Variants in PCDHGA8 observed in about 807,000 individuals in gnomAD.
PCDHGA8 encodes the protein protocadherin gamma-A8.
PCDHGA8 carries 45 observed loss-of-function variants against 59.2 expected under a neutral mutation model. That is an observed-to-expected ratio of 0.76 (90% CI 0.60 to 0.98). The LOEUF (loss-of-function observed/expected upper bound fraction) is 0.98, where lower values mean the gene tolerates loss of function less well. Among genes scored for constraint, PCDHGA8 ranks in the 50% least tolerant of loss-of-function variants. The pLI is 0.00. For missense variants in PCDHGA8, 1,257 were observed against 1,196.2 expected (o/e 1.05, Z -0.75); for synonymous variants, 531 against 519.0 (o/e 1.02, Z -0.32).
chr5:141,508,269 C>T (rs1459186158), intron 3 of PCDHGA8: 1 of 152,186 alleles, frequency 6.6e-6, no homozygotes, highest in East Asian at 1.9e-4. Flanking sequence ...GAGAAAATCC[C>T]GGTCCTTGAC....
intron 1 of PCDHGA8, chr5:141,423,110 G>C: frequency 6.2e-7 from 1 of 1,613,842 alleles, no homozygotes; most frequent in Non-Finnish European, 8.5e-7. Context: ...GGCGAGGTGC[G>C]TACAGCGCGG....
intron 3 of PCDHGA8, among the ~76,000 whole-genome samples, chr5:141,509,518 T>A (rs1441963133): frequency 6.6e-6 from 1 of 152,170 alleles, no homozygotes; most frequent in Non-Finnish European, 1.5e-5. Context: ...GTTGATGATG[T>A]ATTGCACAGG....
At chr5:141,456,119 C>G (rs902179639) in intron 1 of PCDHGA8, among the ~76,000 whole-genome samples, 3 of 151,826 alleles carry the variant, frequency 2.0e-5, no homozygotes, top group Non-Finnish European at 4.4e-5. Flanking sequence ...GGATGGTCTC[C>G]ATCTCCTGAC....
rs377138746 is a variant in PCDHGA8, at chr5:141,432,481, C to A, written c.2424+37244C>A. Reference sequence around the variant, plus strand: ...CCCTCCCCACGGACGGTTCCACTGGCGTGGAGCTGGCTCCCCGCTCCGCAG... The same window carrying A: ...CCCTCCCCACGGACGGTTCCACTGGAGTGGAGCTGGCTCCCCGCTCCGCAG... On this transcript the variant is annotated intron_variant, in intron 1 of 3. Transcript: ENST00000398604. This position sits in a 1 kb window ranked among gnomAD's most constrained non-coding sequence, Gnocchi z 6.0. 6.2e-7 allele frequency: 1 copy of A among 1,614,080 alleles called. No individual in the cohort carries two copies.
chr5:141,423,482 A>G, intron 1 of PCDHGA8: 2 of 1,613,968 alleles, frequency 1.2e-6, no homozygotes, highest in African/African-American at 1.3e-5. Flanking sequence ...GCTTTCCTGC[A>G]AACCTATTCC....
Position 141,393,177 on chromosome 5 carries a change from G to T in PCDHGA8, c.364G>T (p.Glu122Ter), listed in dbSNP as rs1330463387. Reference sequence around the variant, plus strand: ...AGGAAAACTCTTTGGGGTAGAAATAGAAATAATTGATATTAACGATAATAA... The same window carrying T: ...AGGAAAACTCTTTGGGGTAGAAATATAAATAATTGATATTAACGATAATAA... ...DKGKLFGVEI[E>*]IIDINDNNPK... is the part of the protein sequence containing the mutation. Residue 122 changes from glutamate (E) to a stop codon, truncating the protein, a stop_gained, in exon 1 of 4, where the codon GAA (glutamate) becomes TAA (stop). Transcript: ENST00000398604. LOFTEE classifies it high-confidence loss of function. 6.2e-7 allele frequency: 1 copy of T among 1,613,292 alleles called. No individual in the cohort carries two copies. The highest frequency in any genetic ancestry group is 8.5e-7 in the Non-Finnish European group (1 of 1,179,888).
At chr5:141,398,695 A>G (rs753760185) in intron 1 of PCDHGA8, 3 of 1,613,784 alleles carry the variant, frequency 1.9e-6, no homozygotes, top group Non-Finnish European at 2.5e-6. Flanking sequence ...GGATGGTAGT[A>G]AATACCCGGA....
chr5:141,409,766 C>G, intron 1 of PCDHGA8: 1 of 1,612,910 alleles, frequency 6.2e-7, no homozygotes, highest in Non-Finnish European at 8.5e-7. Context: ...CGCCTTTGAT[C>G]ACGAGCAGCT....
chr5:141,405,407 C>CT lies in PCDHGA8; in HGVS notation c.2424+10177dup, dbSNP rs762612492. 13 of 1,582,050 alleles carry CT rather than the reference C, an allele frequency of 8.2e-6. No individual in the cohort carries two copies. In the East Asian group the frequency reaches 1.6e-4, roughly 19 times the overall value. On this transcript the variant is annotated intron_variant, in intron 1 of 3. Transcript: ENST00000398604. Reference sequence around the variant, plus strand: ...TTCATTTTTTTTCTTTCTTTCTTTTCTTTTTTTGTTTTTTGTTTTGTTTTG... The same window carrying CT: ...TTCATTTTTTTTCTTTCTTTCTTTTCTTTTTTTTGTTTTTTGTTTTGTTTTG...
chr5:141,485,745 T>C lies in PCDHGA8; in HGVS notation c.2425-9062T>C. 3 of 1,614,146 alleles carry C rather than the reference T, an allele frequency of 1.9e-6. No individual in the cohort carries two copies. Among genetic ancestry groups the C allele is most frequent in the Non-Finnish European group, 2.5e-6 (3 of 1,179,986 alleles). ...AAGAAGCGCAGCGACGGCAGCCTGGTCCCAGAGCTGCTCCTGGAGAAGCCT... is the reference window on the plus strand; with the variant it reads ...AAGAAGCGCAGCGACGGCAGCCTGGCCCCAGAGCTGCTCCTGGAGAAGCCT... On this transcript the variant is annotated intron_variant, in intron 1 of 3. Transcript: ENST00000398604. This position sits in a 1 kb window ranked among gnomAD's most constrained non-coding sequence, Gnocchi z 5.7.
chr5:141,501,693 G>T (rs1417828433), intron 2 of PCDHGA8, among the ~76,000 whole-genome samples: 1 of 152,028 alleles, frequency 6.6e-6, no homozygotes, highest in Non-Finnish European at 1.5e-5. Context: ...TATCTGCAGG[G>T]TGATTCCGAG....
rs551289441 is a variant in PCDHGA8, at chr5:141,444,102, C to T, written c.2424+48865C>T. ...TGAAAAGTCTGCTAAGGATTGGAAACCAAGAAAAGTGAAGTATCTCAACAG... is the reference window on the plus strand; with the variant it reads ...TGAAAAGTCTGCTAAGGATTGGAAATCAAGAAAAGTGAAGTATCTCAACAG... On this transcript the variant is annotated intron_variant, in intron 1 of 3. Coordinates refer to ENST00000398604, the MANE Select transcript of PCDHGA8 (RefSeq NM_032088.2). Among the ~76,000 whole-genome samples the T allele has an allele frequency of 1.5e-3, 216 of 144,128 alleles. 1 individual carries two copies. Among genetic ancestry groups the T allele is most frequent in the African/African-American group, 5.4e-3 (211 of 38,798 alleles). 94.6% of individuals were successfully genotyped at this position (144,128 alleles called of 152,430 possible).
In PCDHGA8 at chr5:141,490,410, T is replaced by C. The variant is rs2099699827; in HGVS notation, c.2425-4397T>C. ...ATGGTGAAGTGAGCCTTGATATCTC[T>C]CCGGACCTGCCATTTCAGATTAAGC... On this transcript the variant is annotated intron_variant, in intron 1 of 3. Coordinates refer to ENST00000398604, the MANE Select transcript of PCDHGA8 (RefSeq NM_032088.2). The surrounding 1 kb of genome is among the most constrained non-coding windows in gnomAD (Gnocchi z 5.4). 1 of 1,614,172 alleles carries C rather than the reference T, an allele frequency of 6.2e-7. No individual in the cohort carries two copies. Among genetic ancestry groups the C allele is most frequent in the Non-Finnish European group, 8.5e-7 (1 of 1,180,042 alleles).
intron 1 of PCDHGA8, chr5:141,398,338 G>A (rs1261830149): frequency 4.4e-6 from 6 of 1,375,730 alleles, no homozygotes; most frequent in Non-Finnish European, 6.0e-6. Context: ...CGTCAGTTCG[G>A]AGAAGCCTTA....
chr5:141,405,431 T>TGTTTTTGA (rs1428153443), intron 1 of PCDHGA8: 4 of 1,490,528 alleles, frequency 2.7e-6, no homozygotes, highest in Non-Finnish European at 2.7e-6. Flanking sequence ...TGTTTTGTTT[T>TGTTTTTGA]GTTTTTGAGA....
chr5:141,413,051 C>T (rs1316813444), intron 1 of PCDHGA8: 1 of 952,822 alleles, frequency 1.0e-6, no homozygotes, highest in African/African-American at 1.7e-5. Context: ...TGCAGGGAAG[C>T]TCACTCCAGA....
Position 141,394,180 on chromosome 5 carries a change from C to T in PCDHGA8, c.1367C>T (p.Ser456Phe). The T allele has an allele frequency of 1.2e-6, 2 of 1,613,948 alleles. No individual in the cohort carries two copies. Among genetic ancestry groups the T allele is most frequent in the Non-Finnish European group, 1.7e-6 (2 of 1,179,876 alleles). ...NDNPPTFPHA[S>F]YSAYILENNL... ...AACCCTCCTACTTTCCCTCATGCCT[C>T]CTACTCAGCGTATATCCTAGAGAAC... The change falls in exon 1 of 4, where the codon TCC becomes TTC. Residue 456 changes from serine to phenylalanine, a missense_variant. Transcript: ENST00000398604.
At chr5:141,413,631 G>A in intron 1 of PCDHGA8, 4 of 1,613,750 alleles carry the variant, frequency 2.5e-6, no homozygotes, top group Admixed American at 1.7e-5. Context: ...ATGTCGCTGC[G>A]GGAATGCGTT....
chr5:141,394,735 G>C lies in PCDHGA8; in HGVS notation c.1922G>C (p.Ser641Thr). The C allele has an allele frequency of 6.2e-7, 1 of 1,613,450 alleles. No homozygotes were observed. Among genetic ancestry groups the C allele is most frequent in the Non-Finnish European group, 8.5e-7 (1 of 1,179,990 alleles). The change falls in exon 1 of 4, where the codon AGC becomes ACC. Residue 641 changes from serine (S) to threonine (T), a missense_variant. By Grantham distance (58) the Ser-to-Thr change is moderately conservative. Transcript: ENST00000398604. Reference protein sequence around the residue: ...ALLDRDALKQSLVVAVQDHGQ... With the variant: ...ALLDRDALKQTLVVAVQDHGQ... ...CTGGACAGAGATGCGCTCAAGCAGA[G>C]CCTCGTGGTGGCCGTCCAGGACCAT...
Sources: allele counts gnomAD v4.1 joint callset (sites outside exome capture counted in the v4.1 genomes callset), GRCh38; gene constraint gnomAD v4.1.1; non-coding constraint Gnocchi (gnomAD v3.1); transcripts MANE v1.5; gene names NCBI Gene and HGNC (gene_info 2026-07-23, HGNC 2026-07-21).